The following GRIN2A variants were observed in gnomAD, a reference collection of about 807,000 sequenced individuals.
The protein encoded by GRIN2A is glutamate receptor ionotropic, NMDA 2A.
In GRIN2A, 22 loss-of-function variants were observed where a neutral mutation model predicts 113.4. The observed-to-expected ratio is 0.19, with a 90% CI of 0.14 to 0.28. GRIN2A has a LOEUF of 0.28. Among genes scored for constraint, GRIN2A ranks in the 10% least tolerant of loss-of-function variants. The pLI is 1.00. For missense variants in GRIN2A, 1,502 were observed against 1,887.0 expected (o/e 0.80, Z 3.78); for synonymous variants, 827 against 738.4 (o/e 1.12, Z -1.94).
rs555737020 is a variant in GRIN2A, at chr16:9,990,226, T to G, written c.415-51675A>C. Among the ~76,000 whole-genome samples the G allele has an allele frequency of 2.4e-4, 36 of 152,286 alleles. 1 individual carries two copies. In the South Asian group the frequency reaches 7.5e-3, roughly 32 times the overall value. Reference sequence around the variant, plus strand: ...ATAAAAAAGAGTGAAATCATGTCCTTTCCAGCAGTATGGATGCAGCTGAAG... The same window carrying G: ...ATAAAAAAGAGTGAAATCATGTCCTGTCCAGCAGTATGGATGCAGCTGAAG... On this transcript the variant is annotated intron_variant, in intron 2 of 12. Transcript: ENST00000330684.
At position 10,004,303 on chromosome 16, in the gene GRIN2A, C is replaced by T. The variant is rs188715037; in HGVS notation, c.415-65752G>A. On this transcript the variant is annotated intron_variant, in intron 2 of 12. Coordinates refer to ENST00000330684, the MANE Select transcript of GRIN2A (RefSeq NM_001134407.3). ...ACTCAGGAGGCTGAGGCAGGAGAAT[C>T]GCTTGAACCCGGGAGGCAGAGGTTA... Among the ~76,000 whole-genome samples the T allele has an allele frequency of 3.7e-3, 558 of 151,876 alleles. 2 individuals are homozygous for T. The highest frequency in any genetic ancestry group is 0.012 in the African/African-American group (509 of 41,398).
chr16:9,986,648 C>T (rs1459794681), intron 2 of GRIN2A, among the ~76,000 whole-genome samples: 1 of 151,522 alleles, frequency 6.6e-6, no homozygotes, highest in African/African-American at 2.4e-5. Flanking sequence ...GCCTGTAATC[C>T]CAGCTACTTG....
At chr16:9,784,450 A>C (rs112647219) in intron 11 of GRIN2A, among the ~76,000 whole-genome samples, 5,509 of 148,394 alleles carry the variant, frequency 0.037, 213 homozygotes, top group African/African-American at 0.08. Flanking sequence ...CCAAAAAAAA[A>C]AAACAAACAA....
chr16:10,043,861 G>A (rs963346583), intron 2 of GRIN2A, among the ~76,000 whole-genome samples: 1 of 151,516 alleles, frequency 6.6e-6, no homozygotes, highest in Non-Finnish European at 1.5e-5. Context: ...ATGGAAGGGG[G>A]CTGCAATATA....
intron 10 of GRIN2A, among the ~76,000 whole-genome samples, chr16:9,807,877 T>A (rs1356603543): frequency 6.6e-6 from 1 of 152,220 alleles, no homozygotes; most frequent in Admixed American, 6.5e-5. Flanking sequence ...AAGGAAAACA[T>A]AATCTGTCTC....
At chr16:10,035,449 T>C (rs7203745) in intron 2 of GRIN2A, among the ~76,000 whole-genome samples, 32,311 of 152,086 alleles carry the variant, frequency 0.21, 4,162 homozygotes, top group East Asian at 0.52. Flanking sequence ...CTCTGCTCCA[T>C]TTCAAATGTC....
chr16:10,095,890 A>C (rs2048280947), intron 2 of GRIN2A, among the ~76,000 whole-genome samples: 1 of 152,200 alleles, frequency 6.6e-6, no homozygotes, highest in Non-Finnish European at 1.5e-5. Flanking sequence ...GTGTGAAAGA[A>C]ATAGGGCAAA....
At chr16:9,924,723 C>T (rs1374970701) in intron 3 of GRIN2A, among the ~76,000 whole-genome samples, 4 of 152,048 alleles carry the variant, frequency 2.6e-5, no homozygotes, top group Non-Finnish European at 4.4e-5. Flanking sequence ...ATTGTGTTTT[C>T]TCTAAGAGTT....
At chr16:9,854,022 G>A (rs1006524950) in intron 4 of GRIN2A, among the ~76,000 whole-genome samples, 1 of 152,070 alleles carries the variant, frequency 6.6e-6, no homozygotes, top group East Asian at 1.9e-4. Context: ...TGATTTCCCA[G>A]TCTACCAGGA....
In GRIN2A at chr16:10,180,085, T is replaced by G. The variant is rs776834195; in HGVS notation, c.327A>C (p.Val109=). 6.2e-7 allele frequency: 1 copy of G among 1,614,180 alleles called. No individual in the cohort carries two copies. The change falls in exon 2 of 13, where the codon GTA becomes GTC. Residue 109 remains valine, a synonymous_variant. Coordinates refer to ENST00000330684, the MANE Select transcript of GRIN2A (RefSeq NM_001134407.3). This position sits in a 1 kb window ranked among gnomAD's most constrained non-coding sequence, Gnocchi z 7.0. ...VFGDDTDQEA[V]AQMLDFISSH... ...AGGAGATAAAATCCAGCATCTGGGC[T>G]ACGGCCTCCTGGTCCGTGTCGTCCC...
rs115694590 is a variant in GRIN2A at position 9,800,487 on chromosome 16, G to C, written c.2169-2023C>G. ...GAAGCAAAAAAATAAAAATAAAAAT[G>C]GCAAAGAGAGGATGTGAAACACTGC... is the stretch of plus-strand genomic sequence containing the variant. On this transcript the variant is annotated intron_variant, in intron 10 of 12. Coordinates refer to ENST00000330684, the MANE Select transcript of GRIN2A (RefSeq NM_001134407.3). Among the ~76,000 whole-genome samples the C allele has an allele frequency of 7.9e-3, 1,200 of 152,194 alleles. 21 individuals carry two copies. The highest frequency in any genetic ancestry group is 0.027 in the African/African-American group (1,129 of 41,516).
intron 2 of GRIN2A, among the ~76,000 whole-genome samples, chr16:10,150,486 C>G (rs757764813): frequency 5.3e-5 from 8 of 152,138 alleles, no homozygotes; most frequent in Non-Finnish European, 1.0e-4. Flanking sequence ...TTTTTAAAGT[C>G]TTTTCATGGC....
chr16:9,935,292 C>T (rs1469501147), intron 3 of GRIN2A, among the ~76,000 whole-genome samples: 1 of 152,086 alleles, frequency 6.6e-6, no homozygotes, highest in East Asian at 1.9e-4. Flanking sequence ...AGCAATCCTG[C>T]CTCTGTAAGA....
chr16:9,957,812 GA>G (rs2045341052), intron 2 of GRIN2A, among the ~76,000 whole-genome samples: 1 of 152,134 alleles, frequency 6.6e-6, no homozygotes, highest in South Asian at 2.1e-4. Context: ...AACCTCACCT[GA>G]GAACTCTTCT....
intron 4 of GRIN2A, among the ~76,000 whole-genome samples, chr16:9,878,529 G>T (rs1029619988): frequency 5.3e-5 from 8 of 152,114 alleles, no homozygotes; most frequent in Non-Finnish European, 8.8e-5. Context: ...AAAACACTCT[G>T]CATGGTGTCT....
At chr16:9,890,035 TC>T (rs1223755556) in intron 4 of GRIN2A, among the ~76,000 whole-genome samples, 2 of 152,086 alleles carry the variant, frequency 1.3e-5, no homozygotes, top group African/African-American at 4.8e-5. Context: ...GTATAGTATT[TC>T]CCCCTGATTT....
At chr16:10,050,280 A>G (rs1312920329) in intron 2 of GRIN2A, among the ~76,000 whole-genome samples, 1 of 152,136 alleles carries the variant, frequency 6.6e-6, no homozygotes, top group Non-Finnish European at 1.5e-5. Flanking sequence ...TGGAGTAGGG[A>G]TCCCCAAACC....
chr16:9,840,143 G>T (rs1203237738), intron 7 of GRIN2A, among the ~76,000 whole-genome samples: 1 of 152,080 alleles, frequency 6.6e-6, no homozygotes, highest in African/African-American at 2.4e-5. Context: ...CTGAGATTGG[G>T]TAAATTTATA....
In GRIN2A at chr16:10,091,019, C is replaced by T. The variant is rs111247029; in HGVS notation, c.414+88979G>A. ...CACTTCCATATACACACTAGAATGA[C>T]TATAATGGAAAATATGGACAACACC... On this transcript the variant is annotated intron_variant, in intron 2 of 12. Transcript: ENST00000330684. 9.0e-3 allele frequency among the ~76,000 whole-genome samples: 1,374 copies of T among 152,246 alleles called. 10 individuals carry two copies. The highest frequency in any genetic ancestry group is 0.015 in the Non-Finnish European group (987 of 68,010).
Sources: gnomAD v4.1 joint callset for allele counts (sites outside exome capture counted in the v4.1 genomes callset) on GRCh38, gnomAD v4.1.1 for gene constraint, Gnocchi (gnomAD v3.1) non-coding constraint, MANE v1.5 for transcripts, NCBI Gene and HGNC (gene_info 2026-07-23, HGNC 2026-07-21) for gene names.